The following FAM76A variants were observed in gnomAD, a reference collection of about 807,000 sequenced individuals.
The protein encoded by FAM76A is protein FAM76A.
In FAM76A, 32 loss-of-function variants were observed where a neutral mutation model predicts 46.2. The ratio of observed to expected loss-of-function variants is 0.69; its 90% CI spans 0.52 to 0.93. The LOEUF (loss-of-function observed/expected upper bound fraction) is 0.93. FAM76A is among the 40% of genes least tolerant of loss of function. The pLI, the probability that FAM76A is intolerant of heterozygous loss-of-function variation, is 0.00. For synonymous variants in FAM76A, 137 were observed against 127.0 expected (o/e 1.08, Z -0.53); for missense variants, 274 against 361.5 (o/e 0.76, Z 1.96).
intron 4 of FAM76A, among the ~76,000 whole-genome samples, chr1:27,741,867 AGT>A (rs201661737): frequency 0.037 from 5,532 of 150,450 alleles, 346 homozygotes; most frequent in African/African-American, 0.13. Flanking sequence ...TGGGTGACAA[AGT>A]GAGACTCTAT....
At position 27,762,623 on chromosome 1, in the gene FAM76A, G is replaced by A. The variant is rs1314043786; in HGVS notation, c.*2042G>A. 6.6e-6 allele frequency: 1 copy of A among 152,116 alleles called. No individual in the cohort carries two copies. Among genetic ancestry groups the A allele is most frequent in the East Asian group, 1.9e-4 (1 of 5,196 alleles). The allele number at this position is 152,116 out of a possible 1,614,324, so 9.4% of individuals were successfully genotyped here. A position where few individuals can be genotyped will look rare whatever the true frequency, so the allele number is the denominator to read the frequency against. On this transcript the variant is annotated 3_prime_UTR_variant, in exon 9 of 9. Transcript: ENST00000373954. ...TAGGGGATATAATTTTCCCTTCTAA[G>A]CAAGGGAAATGGCAGTGCTAAATAG...
Position 27,726,131 on chromosome 1 carries a change from G to A in FAM76A, c.51G>A (p.Glu17=), listed in dbSNP as rs1185893434. The part of the protein sequence containing the change: ...CTKCHQRFPF[E]ALSQGQQLCK... ...AGTGCCACCAGCGCTTCCCCTTCGAGGCGCTGTCTCAGGGGCAGCAGCTGT... is the reference window on the plus strand; with the variant it reads ...AGTGCCACCAGCGCTTCCCCTTCGAAGCGCTGTCTCAGGGGCAGCAGCTGT... Residue 17 remains glutamate, a synonymous_variant, in exon 1 of 9, where the codon GAG becomes GAA. Transcript: ENST00000373954. 1.5e-6 allele frequency: 2 copies of A among 1,312,114 alleles called. No individual in the cohort carries two copies. Among genetic ancestry groups the A allele is most frequent in the East Asian group, 3.1e-5 (1 of 32,476 alleles). 81.3% of individuals were successfully genotyped at this position (1,312,114 alleles called of 1,614,324 possible).
At position 27,726,024 on chromosome 1, in the gene FAM76A, T is replaced by C; in HGVS notation, c.-57T>C. 8.1e-7 allele frequency: 1 copy of C among 1,238,424 alleles called. No individual in the cohort carries two copies. The highest frequency in any genetic ancestry group is 1.0e-6 in the Non-Finnish European group (1 of 983,826). 76.7% of individuals were successfully genotyped at this position (1,238,424 alleles called of 1,614,324 possible). On this transcript the variant is annotated 5_prime_UTR_variant, in exon 1 of 9. Coordinates refer to ENST00000373954, the MANE Select transcript of FAM76A (RefSeq NM_152660.3). ...GCCGCCGCCGGGTTGTGCCTCAGAC[T>C]GTCAGATAAATCGGCGGGCCGGGCC...
rs1285333159 is a variant in FAM76A at position 27,732,600 on chromosome 1, C to T, written c.147-3C>T. On this transcript the variant is annotated splice_polypyrimidine_tract_variant and splice_region_variant and intron_variant, in intron 2 of 8. Transcript: ENST00000373954. ...AAGCCTGTGTCTCTTTCTTCCTTAA[C>T]AGTAAAACCAATACAATATGCAAGA... is the stretch of plus-strand genomic sequence containing the variant. 8.7e-6 allele frequency: 14 copies of T among 1,606,456 alleles called. No individual in the cohort carries two copies. The highest frequency in any genetic ancestry group is 1.3e-5 in the African/African-American group (1 of 74,838).
chr1:27,739,263 T>C (rs1223452298), intron 4 of FAM76A: 1 of 514,602 alleles, frequency 1.9e-6, no homozygotes, highest in Non-Finnish European at 4.0e-6. Context: ...AGGATGTGTG[T>C]TCGCCTACTG....
intron 4 of FAM76A, among the ~76,000 whole-genome samples, chr1:27,744,262 G>A (rs1407108099): frequency 6.6e-6 from 1 of 152,008 alleles, no homozygotes; most frequent in Admixed American, 6.6e-5. Flanking sequence ...CTGAGTAGCT[G>A]GGACTACAGG....
chr1:27,759,780 T>TG, intron 8 of FAM76A, 153 bp downstream of exon 8: 10 of 499,576 alleles, frequency 2.0e-5, no homozygotes, highest in South Asian at 4.8e-5. Context: ...TTTTTTTTTG[T>TG]TTTTTTTTTG....
intron 4 of FAM76A, chr1:27,740,578 G>A: frequency 1.0e-6 from 1 of 972,890 alleles, no homozygotes; most frequent in South Asian, 1.3e-5. Flanking sequence ...TGATTGACTT[G>A]TTAAGAAATA....
intron 5 of FAM76A, among the ~76,000 whole-genome samples, chr1:27,746,669 G>A (rs998320868): frequency 8.5e-5 from 13 of 152,304 alleles, no homozygotes; most frequent in Admixed American, 8.5e-4. Context: ...GGAGGTTGCA[G>A]TAAGTTGAGA....
intron 8 of FAM76A, chr1:27,760,257 C>G: frequency 2.5e-6 from 1 of 400,326 alleles, no homozygotes. Flanking sequence ...ATAAAGCATC[C>G]CTTTGTAACA....
At chr1:27,734,276 G>T in intron 4 of FAM76A, 93 bp downstream of exon 4, 1 of 1,327,592 alleles carries the variant, frequency 7.5e-7, no homozygotes, top group East Asian at 2.7e-5. Context: ...GGCCGGGCGT[G>T]GTGGCTCATG....
In FAM76A at chr1:27,752,254, C is replaced by T. The variant is rs1474573; in HGVS notation, c.600-2941C>T. Among the ~76,000 whole-genome samples, 3,268 of 152,098 alleles carry T rather than the reference C, an allele frequency of 0.021. 202 individuals carry two copies. In the East Asian group the frequency reaches 0.25, roughly 12 times the overall value. Reference sequence around the variant, plus strand: ...TTCCTCCTTTTTGTTTATCCATTAGCCTTCTATTTTTTTTAGACAGAACAC... The same window carrying T: ...TTCCTCCTTTTTGTTTATCCATTAGTCTTCTATTTTTTTTAGACAGAACAC... On this transcript the variant is annotated intron_variant, in intron 6 of 8. Transcript: ENST00000373954.
At chr1:27,755,161 A>C (rs201132722) in intron 6 of FAM76A, 34 bp from the exon 7 acceptor site, 1 of 1,611,962 alleles carries the variant, frequency 6.2e-7, no homozygotes, top group Non-Finnish European at 8.5e-7. Flanking sequence ...TATCCATCCA[A>C]GTTAAAATAT....
chr1:27,759,179 C>T (rs545649954), intron 7 of FAM76A, among the ~76,000 whole-genome samples: 2 of 152,256 alleles, frequency 1.3e-5, no homozygotes, highest in South Asian at 4.1e-4. Flanking sequence ...TTCTAAAGAT[C>T]AGTTTTCTCC....
In FAM76A at chr1:27,761,331, G is replaced by C. The variant is rs1173198894; in HGVS notation, c.*750G>C. On this transcript the variant is annotated 3_prime_UTR_variant, in exon 9 of 9. Transcript: ENST00000373954. ...ATCTTTTCTTTCTTGTTACCTTGGAGTCTTAAAAACTGATTGCTAAGGTGA... is the reference window on the plus strand; with the variant it reads ...ATCTTTTCTTTCTTGTTACCTTGGACTCTTAAAAACTGATTGCTAAGGTGA... 1 of 152,416 alleles carries C rather than the reference G, an allele frequency of 6.6e-6. No homozygotes were observed. The highest frequency in any genetic ancestry group is 2.4e-5 in the African/African-American group (1 of 41,378). 9.4% of individuals were successfully genotyped at this position (152,416 alleles called of 1,614,324 possible).
chr1:27,755,472 C>A, intron 7 of FAM76A, 142 bp downstream of exon 7: 1 of 1,114,792 alleles, frequency 9.0e-7, no homozygotes, highest in Non-Finnish European at 1.3e-6. Context: ...GGCTGGCTGT[C>A]TGCCAAGATG....
chr1:27,760,353 C>T, intron 8 of FAM76A, 142 bp from the exon 9 acceptor site: 1 of 592,942 alleles, frequency 1.7e-6, no homozygotes, highest in Non-Finnish European at 2.9e-6. Flanking sequence ...CTAGAGCTTC[C>T]TGTTGTTTTC....
At chr1:27,732,514 C>A in intron 2 of FAM76A, 89 bp from the exon 3 acceptor site, 1 of 1,102,190 alleles carries the variant, frequency 9.1e-7, no homozygotes, top group Non-Finnish European at 1.3e-6. Context: ...TCACTTTGGC[C>A]CTTAGCAATG....
intron 2 of FAM76A, among the ~76,000 whole-genome samples, chr1:27,732,120 C>T (rs2148566529): frequency 6.6e-6 from 1 of 152,318 alleles, no homozygotes; most frequent in Non-Finnish European, 1.5e-5. Flanking sequence ...CCACGCCCAG[C>T]CACATAATAA....
Sources: allele counts gnomAD v4.1 joint callset (sites outside exome capture counted in the v4.1 genomes callset), GRCh38; gene constraint gnomAD v4.1.1; transcripts MANE v1.5; gene names NCBI Gene and HGNC (gene_info 2026-07-23, HGNC 2026-07-21).